Variants in ASH1L observed in about 807,000 individuals in gnomAD.
ASH1L encodes histone-lysine N-methyltransferase ASH1L.
ASH1L carries 23 observed loss-of-function variants against 269.0 expected under a neutral mutation model. That is an observed-to-expected ratio of 0.09 (90% CI 0.06 to 0.12). The LOEUF (loss-of-function observed/expected upper bound fraction) is 0.12, where lower values mean the gene tolerates loss of function less well. Among genes scored for constraint, ASH1L ranks in the 10% least tolerant of loss-of-function variants. The pLI is 1.00. For synonymous variants in ASH1L, 1,187 were observed against 1,253.5 expected, an observed-to-expected ratio of 0.95 and a Z score of 1.12; for missense variants, 2,912 against 3,567.8, an observed-to-expected ratio of 0.82 and a Z score of 4.68.
At chr1:155,558,877 A>C (rs1571161478) in intron 1 of ASH1L, among the ~76,000 whole-genome samples, 4 of 139,198 alleles carry the variant, frequency 2.9e-5, no homozygotes, top group South Asian at 2.2e-4. Context: ...TGAGAGAGTC[A>C]CTCTGTCGTC....
At chr1:155,525,065 C>A (rs181177798) in intron 1 of ASH1L, among the ~76,000 whole-genome samples, 1 of 151,880 alleles carries the variant, frequency 6.6e-6, no homozygotes, top group Non-Finnish European at 1.5e-5. Flanking sequence ...CTAGCAAACA[C>A]AGCAAGACCC....
intron 12 of ASH1L, among the ~76,000 whole-genome samples, chr1:155,369,027 G>A (rs562414422): frequency 1.1e-4 from 16 of 152,240 alleles, no homozygotes; most frequent in African/African-American, 3.9e-4. Flanking sequence ...TTGCTTTGGG[G>A]GATTGGGAGA....
intron 3 of ASH1L, among the ~76,000 whole-genome samples, chr1:155,465,309 A>C (rs1004062332): frequency 5.9e-5 from 9 of 151,550 alleles, no homozygotes; most frequent in East Asian, 1.9e-4. Context: ...AAAAAAAAAA[A>C]AAACAGTGAA....
chr1:155,556,402 G>C (rs572370674), intron 1 of ASH1L, among the ~76,000 whole-genome samples: 1,500 of 8,736 alleles, frequency 0.17, 27 homozygotes, highest in African/African-American at 0.2. Flanking sequence ...ATATATATAC[G>C]TGTGTGTGTG....
intron 5 of ASH1L, among the ~76,000 whole-genome samples, chr1:155,427,874 G>A (rs933690331): frequency 2.0e-5 from 3 of 152,146 alleles, no homozygotes; most frequent in African/African-American, 7.2e-5. Flanking sequence ...ACCATCCCCC[G>A]ATGCTGTCGT....
At chr1:155,359,060 C>A (rs1384323287) in intron 13 of ASH1L, among the ~76,000 whole-genome samples, 1 of 152,168 alleles carries the variant, frequency 6.6e-6, no homozygotes, top group Non-Finnish European at 1.5e-5. Context: ...ATTAAGGCTG[C>A]AGTGAGCCAT....
At chr1:155,473,133 T>G (rs1460841645) in intron 3 of ASH1L, among the ~76,000 whole-genome samples, 1 of 152,226 alleles carries the variant, frequency 6.6e-6, no homozygotes, top group Non-Finnish European at 1.5e-5. Context: ...CATAAATATT[T>G]TGCAGGACAA....
intron 10 of ASH1L, among the ~76,000 whole-genome samples, chr1:155,374,439 A>G (rs1656254275): frequency 6.6e-6 from 1 of 152,256 alleles, no homozygotes; most frequent in Non-Finnish European, 1.5e-5. Flanking sequence ...CCACGATTCT[A>G]AAGGGCACAC....
At chr1:155,461,136 T>C (rs1219437417) in intron 3 of ASH1L, among the ~76,000 whole-genome samples, 2 of 152,192 alleles carry the variant, frequency 1.3e-5, no homozygotes, top group African/African-American at 4.8e-5. Context: ...ATTTTCAAGA[T>C]CTGCCTCTAA....
intron 5 of ASH1L, among the ~76,000 whole-genome samples, chr1:155,426,719 G>T (rs116252474): frequency 0.01 from 1,546 of 151,872 alleles, 38 homozygotes; most frequent in African/African-American, 0.036. Context: ...TAATTTTTTT[G>T]ACTATTTCTA....
At chr1:155,348,911 T>TATACACACACACACAC (rs1186891494) in intron 19 of ASH1L, among the ~76,000 whole-genome samples, 1 of 140,402 alleles carries the variant, frequency 7.1e-6, no homozygotes, top group African/African-American at 2.7e-5. Flanking sequence ...TATATATATA[T>TATACACACACACACAC]ACACACACAC....
chr1:155,338,199 C>T lies in ASH1L; in HGVS notation c.8693G>A (p.Ser2898Asn), dbSNP rs776971631. The change falls in exon 27 of 28, where the codon AGT (serine) becomes AAT (asparagine). Residue 2898 changes from serine to asparagine, a missense_variant. By Grantham distance (46) the Ser-to-Asn change is conservative (BLOSUM62 1). Transcript: ENST00000392403. ...VSEGEKKTEE[S>N]SQEPQSTCTP... ...ACAGGTTGACTGGGGTTCTTGACTA[C>T]TTTCCTCTGTTTTTTTTTCACCCTC... 11 of 1,613,924 alleles carry T rather than the reference C, an allele frequency of 6.8e-6. No homozygotes were observed. The highest frequency in any genetic ancestry group is 1.6e-4 in the Middle Eastern group (1 of 6,084).
chr1:155,562,469 G>C lies in ASH1L; in HGVS notation c.-416C>G. On this transcript the variant is annotated 5_prime_UTR_variant, in exon 1 of 28. Transcript: ENST00000392403. ...GCAGCAGCAGAGTGGCGGCGGTGGC[G>C]GCGGCAGCTCCTCCAGAGGGAGGGA... 1 of 1,462,542 alleles carries C rather than the reference G, an allele frequency of 6.8e-7. No individual in the cohort carries two copies. Among genetic ancestry groups the C allele is most frequent in the Non-Finnish European group, 9.3e-7 (1 of 1,078,904 alleles). 90.6% of individuals were successfully genotyped at this position (1,462,542 alleles called of 1,614,324 possible).
intron 5 of ASH1L, chr1:155,433,822 T>C (rs1188586984): frequency 3.4e-5 from 55 of 1,606,454 alleles, no homozygotes; most frequent in Non-Finnish European, 4.6e-5. Flanking sequence ...CTGACAACAA[T>C]GAAAATCTTC....
chr1:155,562,878 G>A (rs747893665), upstream of ASH1L: 2 of 321,748 alleles, frequency 6.2e-6, no homozygotes, highest in African/African-American at 3.2e-5. Flanking sequence ...CCGCCGCCAC[G>A]GCCGCCGCCG....
intron 27 of ASH1L, 43 bp from the exon 28 acceptor site, chr1:155,337,794 T>G: frequency 9.8e-6 from 15 of 1,528,494 alleles, no homozygotes; most frequent in African/African-American, 1.4e-5. Context: ...ACCAATCTCC[T>G]ACTCCTTATT....
chr1:155,526,487 T>C (rs555958707), intron 1 of ASH1L, among the ~76,000 whole-genome samples: 1 of 152,188 alleles, frequency 6.6e-6, no homozygotes, highest in African/African-American at 2.4e-5. Context: ...AGAAAAACAA[T>C]AACACTCAAT....
intron 7 of ASH1L, among the ~76,000 whole-genome samples, chr1:155,383,259 C>T (rs1404655101): frequency 6.6e-6 from 1 of 152,042 alleles, no homozygotes; most frequent in Non-Finnish European, 1.5e-5. Flanking sequence ...TTAGTGTAGC[C>T]TAAGTGTGCA....
chr1:155,337,493 C>T lies in ASH1L; in HGVS notation c.*167G>A. 1.6e-6 allele frequency: 1 copy of T among 619,876 alleles called. No individual in the cohort carries two copies. The highest frequency in any genetic ancestry group is 1.8e-5 in the South Asian group (1 of 55,292). The allele number at this position is 619,876 out of a possible 1,614,324, so 38.4% of individuals were successfully genotyped here. A position where few individuals can be genotyped will look rare whatever the true frequency, so the allele number is the denominator to read the frequency against. On this transcript the variant is annotated 3_prime_UTR_variant, in exon 28 of 28. Transcript: ENST00000392403. ...GTCTTGGACAGAACCCTTTCCTCTC[C>T]CTCTCCACTAGCTCCAAGGCTTATT... is the stretch of plus-strand genomic sequence containing the variant.
Sources: allele counts gnomAD v4.1 joint callset (sites outside exome capture counted in the v4.1 genomes callset), GRCh38; gene constraint gnomAD v4.1.1; transcripts MANE v1.5; gene names NCBI Gene and HGNC (gene_info 2026-07-23, HGNC 2026-07-21).